Variants in ASIC2 observed in about 807,000 individuals in gnomAD.
The protein encoded by ASIC2 is acid-sensing ion channel 2.
In ASIC2, 25 loss-of-function variants were observed where a neutral mutation model predicts 57.3. The observed-to-expected ratio is 0.44, with a 90% confidence interval of 0.32 to 0.61. ASIC2 has a LOEUF of 0.61. Ranked by LOEUF, ASIC2 falls within the 20% of genes least tolerant of loss-of-function variation. The probability of loss-of-function intolerance (pLI) is 0.06; values close to 1 mark genes in which losing one functional copy is unlikely to be tolerated. For missense variants in ASIC2, 641 were observed against 738.1 expected (o/e 0.87, Z 1.52); for synonymous variants, 319 against 307.5 (o/e 1.04, Z -0.39).
chr17:33,091,134 G>C (rs1332317546), intron 2 of ASIC2, among the ~76,000 whole-genome samples: 3 of 152,218 alleles, frequency 2.0e-5, no homozygotes, highest in Non-Finnish European at 4.4e-5. Flanking sequence ...CTAACCCAGG[G>C]CCTGGCCCTC....
At chr17:33,385,483 G>A (rs1418200723) in intron 1 of ASIC2, among the ~76,000 whole-genome samples, 1 of 152,168 alleles carries the variant, frequency 6.6e-6, no homozygotes, top group East Asian at 1.9e-4. Context: ...TCTTATTTCA[G>A]GGGTAAGCTG....
chr17:33,316,783 T>A (rs1247264148), intron 1 of ASIC2, among the ~76,000 whole-genome samples: 1 of 152,158 alleles, frequency 6.6e-6, no homozygotes, highest in Admixed American at 6.6e-5. Context: ...GGTATAAAAC[T>A]CAAGTAATTA....
rs139723247 is a variant in ASIC2, at chr17:33,528,459, A to T, written c.556-416392T>A. On this transcript the variant is annotated intron_variant, in intron 1 of 9. Transcript: ENST00000359872. ...CTTATAATAAATAAGTCAATGAAAAAAATTTTCGACATAATTTCCCCAGAG... is the reference window on the plus strand; with the variant it reads ...CTTATAATAAATAAGTCAATGAAAATAATTTTCGACATAATTTCCCCAGAG... Among the ~76,000 whole-genome samples, 156 of 152,262 alleles carry T rather than the reference A, an allele frequency of 1.0e-3. 8 individuals carry two copies. The East Asian group carries it at 0.028, about 28-fold the overall frequency.
intron 1 of ASIC2, among the ~76,000 whole-genome samples, chr17:33,130,785 C>T (rs1230756783): frequency 2.0e-5 from 3 of 152,170 alleles, no homozygotes; most frequent in Admixed American, 1.3e-4. Context: ...ACAGGAGGTG[C>T]TGAAGGTGGA....
intron 1 of ASIC2, among the ~76,000 whole-genome samples, chr17:33,413,154 T>G (rs1250352192): frequency 1.3e-5 from 2 of 151,312 alleles, no homozygotes; most frequent in Admixed American, 6.6e-5. Flanking sequence ...GTTCTTGGGG[T>G]CAAGTGAAGT....
chr17:33,806,534 G>A (rs1372412811), intron 1 of ASIC2, among the ~76,000 whole-genome samples: 1 of 152,210 alleles, frequency 6.6e-6, no homozygotes, highest in Non-Finnish European at 1.5e-5. Context: ...GAATCCTATT[G>A]TAACATGTTA....
chr17:33,051,264 T>C (rs1197150502), intron 3 of ASIC2, among the ~76,000 whole-genome samples: 1 of 152,168 alleles, frequency 6.6e-6, no homozygotes, highest in Non-Finnish European at 1.5e-5. Context: ...AGAAATAATT[T>C]AGCAGGTCAG....
intron 1 of ASIC2, among the ~76,000 whole-genome samples, chr17:34,122,435 C>G (rs924541279): frequency 1.3e-5 from 2 of 152,318 alleles, no homozygotes; most frequent in East Asian, 3.9e-4. Flanking sequence ...CACGGTTCAT[C>G]GGAATGCAAA....
At chr17:33,121,683 A>G (rs2092302807) in intron 1 of ASIC2, among the ~76,000 whole-genome samples, 1 of 152,074 alleles carries the variant, frequency 6.6e-6, no homozygotes, top group Non-Finnish European at 1.5e-5. Context: ...GTAGACAACT[A>G]TGGGCTCTAC....
intron 1 of ASIC2, among the ~76,000 whole-genome samples, chr17:33,672,924 T>C (rs150273472): frequency 6.3e-4 from 96 of 152,300 alleles, no homozygotes; most frequent in African/African-American, 2.2e-3. Flanking sequence ...AATATCAATA[T>C]CATAGGTTTG....
chr17:33,278,856 C>G (rs533455713), intron 1 of ASIC2, among the ~76,000 whole-genome samples: 2 of 151,904 alleles, frequency 1.3e-5, no homozygotes, highest in Non-Finnish European at 2.9e-5. Context: ...GGTGCTGGGA[C>G]AGCTACAGGA....
intron 1 of ASIC2, among the ~76,000 whole-genome samples, chr17:33,822,969 T>C (rs1400000846): frequency 6.6e-6 from 1 of 152,248 alleles, no homozygotes; most frequent in Non-Finnish European, 1.5e-5. Flanking sequence ...AGGTTGTTTT[T>C]ATTTTTAATG....
chr17:34,053,629 G>T (rs1462694899), intron 1 of ASIC2, among the ~76,000 whole-genome samples: 1 of 152,202 alleles, frequency 6.6e-6, no homozygotes, highest in African/African-American at 2.4e-5. Flanking sequence ...TGACAGGTAA[G>T]ATTTAATTTC....
chr17:33,865,294 TGGGC>T (rs939564011), intron 1 of ASIC2, among the ~76,000 whole-genome samples: 1 of 152,224 alleles, frequency 6.6e-6, no homozygotes, highest in African/African-American at 2.4e-5. Flanking sequence ...CCATTTCCAT[TGGGC>T]GGATCAACCC....
At chr17:33,683,974 G>A (rs182733114) in intron 1 of ASIC2, among the ~76,000 whole-genome samples, 29 of 152,292 alleles carry the variant, frequency 1.9e-4, no homozygotes, top group Admixed American at 1.4e-3. Flanking sequence ...CGAATTTAGG[G>A]GGAGGAATAC....
chr17:33,086,907 C>T (rs1032543535), intron 3 of ASIC2, among the ~76,000 whole-genome samples: 7 of 152,152 alleles, frequency 4.6e-5, no homozygotes, highest in Admixed American at 2.0e-4. Flanking sequence ...TTTTTTACTT[C>T]TCTGACTCTG....
intron 1 of ASIC2, among the ~76,000 whole-genome samples, chr17:33,350,372 T>A (rs1908113842): frequency 6.6e-6 from 1 of 152,188 alleles, no homozygotes; most frequent in Non-Finnish European, 1.5e-5. Flanking sequence ...AGAGCTTTTC[T>A]GAATCACTTA....
chr17:33,102,646 A>G (rs978569882), intron 2 of ASIC2, among the ~76,000 whole-genome samples: 2 of 151,590 alleles, frequency 1.3e-5, no homozygotes, highest in African/African-American at 4.9e-5. Context: ...GGACCCTCTG[A>G]TTTTCTTATT....
chr17:33,803,331 G>C (rs541827966), intron 1 of ASIC2, among the ~76,000 whole-genome samples: 1 of 151,614 alleles, frequency 6.6e-6, no homozygotes, highest in African/African-American at 2.4e-5. Context: ...GTTTTCCACT[G>C]TGTATGTGTA....
Sources: allele counts gnomAD v4.1 joint callset (sites outside exome capture counted in the v4.1 genomes callset), GRCh38; gene constraint gnomAD v4.1.1; transcripts MANE v1.5; gene names NCBI Gene and HGNC (gene_info 2026-07-23, HGNC 2026-07-21).